CPNE4: variants seen among roughly 807,000 people sequenced by gnomAD.
CPNE4 encodes copine-4.
In CPNE4, 25 loss-of-function variants were observed where a neutral mutation model predicts 67.9. That is an observed-to-expected ratio of 0.37 (90% CI 0.27 to 0.51). The LOEUF is 0.51. Among genes scored for constraint, CPNE4 ranks in the 20% least tolerant of loss-of-function variants. CPNE4 has a pLI of 0.93. For missense variants in CPNE4, 464 were observed against 690.8 expected (o/e 0.67, Z 3.68); for synonymous variants, 242 against 244.9 (o/e 0.99, Z 0.11).
intron 2 of CPNE4, among the ~76,000 whole-genome samples, chr3:131,859,491 C>A (rs1045806936): frequency 1.2e-4 from 18 of 152,104 alleles, no homozygotes; most frequent in Non-Finnish European, 2.6e-4. Flanking sequence ...AATTTAGCAT[C>A]TATCTCAGCT....
rs554563132 is a variant in CPNE4, at chr3:131,830,439, C to T, written c.180+74825G>A. ...ATTCTATCTCCTTTCTGACACTTCA[C>T]CTCCCACCATTCCACTCCTTTACAC... On this transcript the variant is annotated intron_variant, in intron 2 of 15. Transcript: ENST00000429747. 3.9e-5 allele frequency among the ~76,000 whole-genome samples: 6 copies of T among 152,120 alleles called. No individual in the cohort carries two copies. In the East Asian group the frequency reaches 1.2e-3, roughly 29 times the overall value.
intron 5 of CPNE4, among the ~76,000 whole-genome samples, chr3:131,692,802 A>G (rs2081062060): frequency 2.0e-5 from 3 of 152,200 alleles, no homozygotes; most frequent in Non-Finnish European, 4.4e-5. Flanking sequence ...AATGATTACT[A>G]TTACATATGT....
At chr3:131,945,115 G>A (rs1468710053) in intron 1 of CPNE4, among the ~76,000 whole-genome samples, 1 of 152,142 alleles carries the variant, frequency 6.6e-6, no homozygotes, top group Non-Finnish European at 1.5e-5. Context: ...TTCTGTCTCT[G>A]AGCCACAGTT....
chr3:131,843,784 C>A (rs1272405257), intron 2 of CPNE4, among the ~76,000 whole-genome samples: 1 of 152,174 alleles, frequency 6.6e-6, no homozygotes, highest in East Asian at 1.9e-4. Context: ...GTGAGTCTGG[C>A]ACACTCTAGG....
intron 2 of CPNE4, among the ~76,000 whole-genome samples, chr3:131,743,626 A>T (rs1307549589): frequency 2.6e-5 from 4 of 152,340 alleles, no homozygotes; most frequent in African/African-American, 9.6e-5. Context: ...TCATCAATGT[A>T]ATTAATCACA....
chr3:131,695,298 T>C (rs981968212), intron 5 of CPNE4, among the ~76,000 whole-genome samples: 3 of 152,204 alleles, frequency 2.0e-5, no homozygotes, highest in African/African-American at 7.2e-5. Flanking sequence ...ATGGTGGGAA[T>C]AGCCATTTAG....
chr3:131,770,788 AC>A (rs2083147139), intron 2 of CPNE4, among the ~76,000 whole-genome samples: 1 of 151,256 alleles, frequency 6.6e-6, no homozygotes, highest in South Asian at 2.1e-4. Context: ...ATCTTTGGAA[AC>A]CTCCCTGACT....
intron 7 of CPNE4, among the ~76,000 whole-genome samples, chr3:131,634,371 A>G (rs1206280016): frequency 6.6e-6 from 1 of 152,210 alleles, no homozygotes; most frequent in Non-Finnish European, 1.5e-5. Context: ...TAGAAATAAT[A>G]CTTCACTTTG....
intron 12 of CPNE4, among the ~76,000 whole-genome samples, chr3:131,552,965 C>T (rs1427109676): frequency 6.6e-6 from 1 of 152,068 alleles, no homozygotes; most frequent in African/African-American, 2.4e-5. Flanking sequence ...GAATCATTAA[C>T]ATGATATGCA....
chr3:131,820,491 G>A (rs180947443), intron 2 of CPNE4, among the ~76,000 whole-genome samples: 174 of 152,342 alleles, frequency 1.1e-3, no homozygotes, highest in Non-Finnish European at 2.2e-3. Context: ...CCAGTTAACC[G>A]CATTCTCAGC....
At chr3:131,714,529 T>C (rs1361609212) in intron 3 of CPNE4, among the ~76,000 whole-genome samples, 1 of 152,198 alleles carries the variant, frequency 6.6e-6, no homozygotes, top group African/African-American at 2.4e-5. Context: ...TTTCTCCAGA[T>C]AATTACCCAA....
chr3:131,753,232 T>C (rs950388716), intron 2 of CPNE4, among the ~76,000 whole-genome samples: 2 of 151,748 alleles, frequency 1.3e-5, no homozygotes, highest in African/African-American at 4.8e-5. Context: ...AAAGTAAAAT[T>C]TTGCTTCATT....
chr3:131,697,228 A>G (rs969253116), intron 4 of CPNE4, among the ~76,000 whole-genome samples: 1 of 152,210 alleles, frequency 6.6e-6, no homozygotes, highest in Admixed American at 6.5e-5. Context: ...TCATTTTCCA[A>G]TACTTAATAG....
At chr3:131,887,579 C>A (rs7615970) in intron 2 of CPNE4, among the ~76,000 whole-genome samples, 98,338 of 151,956 alleles carry the variant, frequency 0.65, 32,068 homozygotes, top group Admixed American at 0.73. Flanking sequence ...ATTTCTTCTT[C>A]TTCTCTATTA....
chr3:131,759,011 A>G lies in CPNE4; in HGVS notation c.181-35386T>C, dbSNP rs4854837. 9.8e-3 allele frequency among the ~76,000 whole-genome samples: 1,492 copies of G among 152,272 alleles called. 65 individuals carry two copies. The East Asian group carries it at 0.11, about 11-fold the overall frequency. On this transcript the variant is annotated intron_variant, in intron 2 of 15. Transcript: ENST00000429747. ...GTATTTATCAGCAGAGTGAAAACATACTAATACACGTGCCTAACTCAAAGA... is the reference window on the plus strand; with the variant it reads ...GTATTTATCAGCAGAGTGAAAACATGCTAATACACGTGCCTAACTCAAAGA...
At chr3:131,669,640 T>A (rs749226065) in intron 7 of CPNE4, 35 bp downstream of exon 7, 65 of 1,525,842 alleles carry the variant, frequency 4.3e-5, no homozygotes, top group South Asian at 2.0e-4. Flanking sequence ...ATACTTTTTT[T>A]AAAAAATCAC....
intron 2 of CPNE4, among the ~76,000 whole-genome samples, chr3:131,766,152 G>A (rs1041300094): frequency 1.3e-5 from 2 of 152,150 alleles, no homozygotes; most frequent in African/African-American, 4.8e-5. Flanking sequence ...ACTCTGGCCT[G>A]CCACTCATTA....
intron 2 of CPNE4, among the ~76,000 whole-genome samples, chr3:131,840,762 G>T (rs1262025845): frequency 6.6e-6 from 1 of 152,158 alleles, no homozygotes; most frequent in African/African-American, 2.4e-5. Context: ...ACTTGGAGTG[G>T]TTTTCTGGTA....
chr3:132,005,338 TATATACACACACACACACACACACACAC>T (rs1290434622), intron 1 of CPNE4, among the ~76,000 whole-genome samples: 28 of 29,680 alleles, frequency 9.4e-4, no homozygotes, highest in Middle Eastern at 0.019. Context: ...TATATATATA[TATATACACACACACACACACACACACAC>T]ACACACATAT....
Sources: allele counts gnomAD v4.1 joint callset (sites outside exome capture counted in the v4.1 genomes callset), GRCh38; gene constraint gnomAD v4.1.1; transcripts MANE v1.5; gene names NCBI Gene and HGNC (gene_info 2026-07-23, HGNC 2026-07-21).